CTSC: variants seen among roughly 807,000 people sequenced by gnomAD.
The protein encoded by CTSC is dipeptidyl peptidase 1.
Under a neutral mutation model 40.9 loss-of-function variants are expected in CTSC, and 37 were observed. The ratio of observed to expected loss-of-function variants is 0.91; its 90% CI spans 0.70 to 1.19. The LOEUF (loss-of-function observed/expected upper bound fraction) is 1.19. CTSC is among the 50% of genes most tolerant of loss of function. The pLI is 0.00. For missense variants in CTSC, 594 were observed against 567.3 expected, an observed-to-expected ratio of 1.05 and a Z score of -0.48; for synonymous variants, 232 against 207.4, an observed-to-expected ratio of 1.12 and a Z score of -1.02.
chr11:88,293,939 G>T lies in CTSC; in HGVS notation c.*67C>A. ...CTGAGATTGCTGCTGAAAGTCTACAGTCTGTGAATATACCAATTCCCCTTT... is the reference window on the plus strand; with the variant it reads ...CTGAGATTGCTGCTGAAAGTCTACATTCTGTGAATATACCAATTCCCCTTT... On this transcript the variant is annotated 3_prime_UTR_variant, in exon 7 of 7. Transcript: ENST00000227266. 6.5e-7 allele frequency: 1 copy of T among 1,534,088 alleles called. No homozygotes were observed. Among genetic ancestry groups the T allele is most frequent in the Non-Finnish European group, 9.0e-7 (1 of 1,113,690 alleles).
intron 2 of CTSC, among the ~76,000 whole-genome samples, chr11:88,334,578 T>C (rs1184366749): frequency 5.9e-5 from 9 of 152,202 alleles, no homozygotes; most frequent in Admixed American, 5.9e-4. Flanking sequence ...ACAAAATGTG[T>C]AATCTCTCTA....
chr11:88,321,072 T>C (rs1005889715), intron 2 of CTSC: 6 of 979,776 alleles, frequency 6.1e-6, no homozygotes, highest in Non-Finnish European at 7.3e-6. Flanking sequence ...AGCATGTTGA[T>C]GCAAAATTAC....
Position 88,337,490 on chromosome 11 carries a change from C to T in CTSC, c.172+11G>A. The T allele has an allele frequency of 1.3e-6, 2 of 1,564,720 alleles. No individual in the cohort carries two copies. The highest frequency in any genetic ancestry group is 1.7e-6 in the Non-Finnish European group (2 of 1,153,894). ...AGGACGACCCGGAGGACTGCCGAGCCGGCGGCTTACCCATAACCGAGCAGT... is the reference window on the plus strand; with the variant it reads ...AGGACGACCCGGAGGACTGCCGAGCTGGCGGCTTACCCATAACCGAGCAGT... On this transcript the variant is annotated intron_variant, in intron 1 of 6. Coordinates refer to ENST00000227266, the MANE Select transcript of CTSC (RefSeq NM_001814.6).
rs115354443 is a variant in CTSC, at chr11:88,329,112, C to T, written c.318+5825G>A. Among the ~76,000 whole-genome samples, 352 of 152,280 alleles carry T rather than the reference C, an allele frequency of 2.3e-3. 2 individuals are homozygous for T. The highest frequency in any genetic ancestry group is 7.9e-3 in the African/African-American group (330 of 41,542). ...TAATCTTCAAAATAAAATCTGAGTT[C>T]CTTCTCTACTGCTCCCTTTTAGAGT... On this transcript the variant is annotated intron_variant, in intron 2 of 6. Transcript: ENST00000227266.
chr11:88,309,324 C>T lies in CTSC; in HGVS notation c.486-6G>A, dbSNP rs755376442. 4 of 1,610,098 alleles carry T rather than the reference C, an allele frequency of 2.5e-6. No individual in the cohort carries two copies. The highest frequency in any genetic ancestry group is 3.4e-6 in the Non-Finnish European group (4 of 1,176,628). On this transcript the variant is annotated splice_polypyrimidine_tract_variant and splice_region_variant and intron_variant, in intron 3 of 6. Transcript: ENST00000227266. ...TGTAGAGCCTATTAGAATACCTGTC[C>T]CCAAAAATGAGATAATTTCAGATAT...
In CTSC at chr11:88,294,301, T is replaced by C. The variant is rs751798574; in HGVS notation, c.1097A>G (p.His366Arg). The C allele has an allele frequency of 1.2e-6, 2 of 1,614,010 alleles. No individual in the cohort carries two copies. The highest frequency in any genetic ancestry group is 2.7e-5 in the African/African-American group (2 of 74,906). Residue 366 changes from histidine (H) to arginine (R), a missense_variant, in exon 7 of 7, where the codon CAT (histidine) becomes CGT (arginine). Transcript: ENST00000227266. ...NEALMKLELVHHGPMAVAFEV... is the reference protein window; with the variant it reads ...NEALMKLELVRHGPMAVAFEV... ...AAAAGCAACTGCCATGGGCCCATGATGGACCAACTCAAGCTTCATCAGGGC... is the reference window on the plus strand; with the variant it reads ...AAAAGCAACTGCCATGGGCCCATGACGGACCAACTCAAGCTTCATCAGGGC...
At chr11:88,300,426 T>C (rs916750748) in intron 5 of CTSC, 104 bp downstream of exon 5, 1 of 734,312 alleles carries the variant, frequency 1.4e-6, no homozygotes, top group Non-Finnish European at 2.5e-6. Context: ...AAAAAGGGGA[T>C]CATGCCCATT....
chr11:88,312,386 A>G lies in CTSC; in HGVS notation c.485+2T>C. The G allele has an allele frequency of 3.7e-6, 6 of 1,613,924 alleles. No homozygotes were observed. Among genetic ancestry groups the G allele is most frequent in the Non-Finnish European group, 5.1e-6 (6 of 1,179,790 alleles). On this transcript the variant is annotated splice_donor_variant, in intron 3 of 6. Coordinates refer to ENST00000227266, the MANE Select transcript of CTSC (RefSeq NM_001814.6). LOFTEE classifies it high-confidence loss of function. ...ACGTATGTCTCATTTGTAGCAACTC[A>G]CTTTTCCTGAGAATTCTTAAGGTGT... is the stretch of plus-strand genomic sequence containing the variant.
At chr11:88,296,562 T>A (rs943344586) in intron 5 of CTSC, 2 of 372,848 alleles carry the variant, frequency 5.4e-6, no homozygotes, top group Non-Finnish European at 1.0e-5. Context: ...ATATTCTTGA[T>A]AATGATGAAA....
intron 2 of CTSC, chr11:88,328,029 T>C (rs1203850357): frequency 1.8e-5 from 16 of 869,582 alleles, no homozygotes; most frequent in Middle Eastern, 2.2e-4. Flanking sequence ...GATGAATAAA[T>C]AGGCATTAAT....
intron 4 of CTSC, among the ~76,000 whole-genome samples, chr11:88,303,082 G>A (rs1944386728): frequency 6.6e-6 from 1 of 152,172 alleles, no homozygotes; most frequent in Non-Finnish European, 1.5e-5. Flanking sequence ...ATCTTTGAAT[G>A]GAAATAGTTT....
intron 2 of CTSC, chr11:88,326,121 G>A (rs750111725): frequency 1.1e-5 from 14 of 1,295,458 alleles, no homozygotes; most frequent in African/African-American, 5.9e-5. Flanking sequence ...AAAACTGAAC[G>A]GTGAAGCCAC....
chr11:88,328,256 A>C, intron 2 of CTSC: 1 of 1,198,574 alleles, frequency 8.3e-7, no homozygotes. Flanking sequence ...ATCATCATGA[A>C]AGAAGACATA....
intron 2 of CTSC, chr11:88,328,059 G>A: frequency 7.9e-6 from 9 of 1,135,106 alleles, no homozygotes; most frequent in Non-Finnish European, 1.2e-5. Flanking sequence ...CCATCAGGAA[G>A]TGAGGAAGCT....
intron 2 of CTSC, among the ~76,000 whole-genome samples, chr11:88,315,841 T>TA (rs1263555141): frequency 2.6e-5 from 4 of 152,180 alleles, no homozygotes; most frequent in Non-Finnish European, 5.9e-5. Context: ...GGCTTTTTTT[T>TA]AAACCCAAAG....
Position 88,331,414 on chromosome 11 carries a change from T to C in CTSC, c.318+3523A>G, listed in dbSNP as rs373992327. ...AAAACTCAGGGAAACATGTTTATGATTTATTACAAAGGATATTTGAAAGGA... is the reference window on the plus strand; with the variant it reads ...AAAACTCAGGGAAACATGTTTATGACTTATTACAAAGGATATTTGAAAGGA... On this transcript the variant is annotated intron_variant, in intron 2 of 6. Coordinates refer to ENST00000227266, the MANE Select transcript of CTSC (RefSeq NM_001814.6). 3.3e-4 allele frequency among the ~76,000 whole-genome samples: 51 copies of C among 152,308 alleles called. No homozygotes were observed. In the South Asian group the frequency reaches 9.1e-3, roughly 27 times the overall value.
intron 5 of CTSC, 47 bp downstream of exon 5, chr11:88,300,483 A>T: frequency 8.6e-7 from 1 of 1,165,906 alleles, no homozygotes; most frequent in Non-Finnish European, 1.3e-6. Context: ...ACTGTTCAAT[A>T]AATAGTTCCA....
At chr11:88,313,409 T>G (rs959631038) in intron 2 of CTSC, among the ~76,000 whole-genome samples, 2 of 152,212 alleles carry the variant, frequency 1.3e-5, no homozygotes, top group Non-Finnish European at 2.9e-5. Context: ...TAGCATATTC[T>G]GATCATGAGG....
intron 1 of CTSC, among the ~76,000 whole-genome samples, chr11:88,336,448 A>C (rs1359096764): frequency 6.6e-6 from 1 of 151,118 alleles, no homozygotes; most frequent in Admixed American, 6.6e-5. Flanking sequence ...CTGAGGCAGG[A>C]GAATCGCTTA....
Sources: allele counts gnomAD v4.1 joint callset (sites outside exome capture counted in the v4.1 genomes callset), GRCh38; gene constraint gnomAD v4.1.1; transcripts MANE v1.5; gene names NCBI Gene and HGNC (gene_info 2026-07-23, HGNC 2026-07-21).